Variants in CPA6 observed in about 807,000 individuals in gnomAD.
CPA6 encodes carboxypeptidase B.
Under a neutral mutation model 63.3 loss-of-function variants are expected in CPA6, and 58 were observed. The observed-to-expected ratio is 0.92, with a 90% CI of 0.74 to 1.14. The LOEUF (loss-of-function observed/expected upper bound fraction) is 1.14, where lower values mean the gene tolerates loss of function less well. CPA6 is among the 50% of genes most tolerant of loss of function. CPA6 has a pLI of 0.00. For synonymous variants in CPA6, 185 were observed against 179.0 expected, an observed-to-expected ratio of 1.03 and a Z score of -0.27; for missense variants, 565 against 526.6, an observed-to-expected ratio of 1.07 and a Z score of -0.71.
At chr8:67,512,995 A>G (rs894598574) in intron 3 of CPA6, among the ~76,000 whole-genome samples, 2 of 152,230 alleles carry the variant, frequency 1.3e-5, no homozygotes, top group Non-Finnish European at 2.9e-5. Flanking sequence ...TTGAGCACCT[A>G]CTATGGACAA....
At chr8:67,436,249 C>T in intron 8 of CPA6, among the ~76,000 whole-genome samples, 1 of 152,096 alleles carries the variant, frequency 6.6e-6, no homozygotes, top group Non-Finnish European at 1.5e-5. Flanking sequence ...CAAGGCGAAG[C>T]CGATGTCCCT....
intron 2 of CPA6, among the ~76,000 whole-genome samples, chr8:67,561,786 GA>G (rs1325780951): frequency 1.3e-5 from 2 of 152,176 alleles, no homozygotes. Flanking sequence ...GTACTCTAAA[GA>G]ATTCAGCATG....
chr8:67,687,460 G>A (rs1816729879), intron 1 of CPA6, among the ~76,000 whole-genome samples: 1 of 151,170 alleles, frequency 6.6e-6, no homozygotes, highest in South Asian at 2.1e-4. Context: ...AAGAGCTTTG[G>A]GGTCAGGCAG....
chr8:67,590,958 C>A (rs1051782107), intron 2 of CPA6, among the ~76,000 whole-genome samples: 1 of 152,188 alleles, frequency 6.6e-6, no homozygotes, highest in African/African-American at 2.4e-5. Flanking sequence ...GAAGTCCTTG[C>A]CCATGCCTAT....
At chr8:67,463,527 C>G (rs1045644408) in intron 8 of CPA6, among the ~76,000 whole-genome samples, 1 of 151,868 alleles carries the variant, frequency 6.6e-6, no homozygotes, top group Non-Finnish European at 1.5e-5. Context: ...TTTCCTTCCC[C>G]AACATTTATT....
rs1438019059 is a variant in CPA6 at position 67,627,433 on chromosome 8, G to GT, written c.117-3183dup. On this transcript the variant is annotated intron_variant, in intron 1 of 10. Coordinates refer to ENST00000297770, the MANE Select transcript of CPA6 (RefSeq NM_020361.5). ...GAGGCTTTTCCTTATAACTTATCAG[G>GT]TTTTTTGTTTGTTTGTTTGTTTGTT... 3.9e-5 allele frequency among the ~76,000 whole-genome samples: 6 copies of GT among 152,176 alleles called. 1 individual carries two copies. The highest frequency in any genetic ancestry group is 3.3e-4 in the Admixed American group (5 of 15,290).
At chr8:67,528,098 G>T (rs1195366396) in intron 2 of CPA6, among the ~76,000 whole-genome samples, 1 of 152,196 alleles carries the variant, frequency 6.6e-6, no homozygotes, top group Non-Finnish European at 1.5e-5. Context: ...TGAGCTAAGT[G>T]CTGAGGGTAC....
chr8:67,661,189 G>A (rs1238945706), intron 1 of CPA6, among the ~76,000 whole-genome samples: 2 of 152,302 alleles, frequency 1.3e-5, no homozygotes, highest in South Asian at 2.1e-4. Flanking sequence ...CAAGGAAGGT[G>A]TAATTGAGAA....
intron 2 of CPA6, among the ~76,000 whole-genome samples, chr8:67,584,691 T>C (rs544690184): frequency 1.3e-5 from 2 of 152,204 alleles, no homozygotes; most frequent in East Asian, 3.9e-4. Context: ...GAGAATGGGG[T>C]TGGATCTTCT....
intron 8 of CPA6, among the ~76,000 whole-genome samples, chr8:67,446,127 G>C (rs1168810178): frequency 1.3e-5 from 2 of 152,110 alleles, no homozygotes; most frequent in Non-Finnish European, 2.9e-5. Flanking sequence ...TTAGCCGGGC[G>C]TGGTGGCAGG....
At chr8:67,459,148 CTATT>C (rs1455085408) in intron 8 of CPA6, among the ~76,000 whole-genome samples, 2 of 152,164 alleles carry the variant, frequency 1.3e-5, no homozygotes, top group Admixed American at 6.5e-5. Context: ...AAATTTTTAT[CTATT>C]TATTTATTTA....
intron 1 of CPA6, 59 bp from the exon 2 acceptor site, chr8:67,624,310 CTCTT>C: frequency 3.3e-6 from 3 of 918,870 alleles, no homozygotes; most frequent in Non-Finnish European, 5.1e-6. Flanking sequence ...TATTAGTCAT[CTCTT>C]TCTTACCTCT....
intron 1 of CPA6, among the ~76,000 whole-genome samples, chr8:67,684,959 G>T (rs1368235774): frequency 6.6e-6 from 1 of 152,022 alleles, no homozygotes; most frequent in Non-Finnish European, 1.5e-5. Flanking sequence ...CACTTACCCT[G>T]CCCTGCTCCT....
At chr8:67,475,835 CTTTCTTTCTT>C (rs1811187737) in intron 8 of CPA6, among the ~76,000 whole-genome samples, 1 of 56,688 alleles carries the variant, frequency 1.8e-5, no homozygotes, top group African/African-American at 9.0e-5. Flanking sequence ...TTCTTTCTTT[CTTTCTTTCTT>C]TCTTTCTTTC....
intron 3 of CPA6, among the ~76,000 whole-genome samples, chr8:67,512,641 G>A (rs1351483905): frequency 3.9e-5 from 6 of 152,184 alleles, no homozygotes; most frequent in African/African-American, 9.6e-5. Flanking sequence ...TCACACAGTA[G>A]CAAAGCACTT....
intron 8 of CPA6, among the ~76,000 whole-genome samples, chr8:67,436,082 AC>A (rs748962854): frequency 2.6e-5 from 4 of 151,358 alleles, no homozygotes; most frequent in Non-Finnish European, 5.9e-5. Flanking sequence ...CCCCACCCCC[AC>A]CAACCAGGGG....
At chr8:67,689,307 G>C (rs1010731319) in intron 1 of CPA6, among the ~76,000 whole-genome samples, 2 of 152,106 alleles carry the variant, frequency 1.3e-5, no homozygotes, top group Non-Finnish European at 2.9e-5. Flanking sequence ...AGATTCAGTG[G>C]GTACACATGC....
At chr8:67,466,957 A>G (rs1434113964) in intron 8 of CPA6, among the ~76,000 whole-genome samples, 1 of 152,232 alleles carries the variant, frequency 6.6e-6, no homozygotes, top group East Asian at 1.9e-4. Context: ...AAAAATAATT[A>G]CATTGCCAGC....
Position 67,476,173 on chromosome 8 carries a change from T to G in CPA6, c.838+7595A>C, listed in dbSNP as rs186898418. Among the ~76,000 whole-genome samples the G allele has an allele frequency of 1.5e-4, 23 of 152,014 alleles. No individual in the cohort carries two copies. The East Asian group carries it at 4.1e-3, about 27-fold the overall frequency. ...ATGTGTCATCACACCTGGCTAATTTTCATATTTTTAGTAGAGGTGGGGTTT... is the reference window on the plus strand; with the variant it reads ...ATGTGTCATCACACCTGGCTAATTTGCATATTTTTAGTAGAGGTGGGGTTT... On this transcript the variant is annotated intron_variant, in intron 8 of 10. Coordinates refer to ENST00000297770, the MANE Select transcript of CPA6 (RefSeq NM_020361.5).
Sources: gnomAD v4.1 joint callset for allele counts (sites outside exome capture counted in the v4.1 genomes callset) on GRCh38, gnomAD v4.1.1 for gene constraint, MANE v1.5 for transcripts, NCBI Gene and HGNC (gene_info 2026-07-23, HGNC 2026-07-21) for gene names.